The following ANKRD55 variants were observed in gnomAD, a reference collection of about 807,000 sequenced individuals.
The protein encoded by ANKRD55 is ankyrin repeat domain-containing protein 55.
In ANKRD55, 41 loss-of-function variants were observed where a neutral mutation model predicts 60.6. That is an observed-to-expected ratio of 0.68 (90% CI 0.53 to 0.88). The LOEUF (loss-of-function observed/expected upper bound fraction) is 0.88. Ranked by LOEUF, ANKRD55 falls within the 40% of genes least tolerant of loss-of-function variation. The pLI is 0.00. For synonymous variants in ANKRD55, 264 were observed against 290.3 expected, an observed-to-expected ratio of 0.91 and a Z score of 0.92; for missense variants, 732 against 767.6, an observed-to-expected ratio of 0.95 and a Z score of 0.55.
intron 8 of ANKRD55, among the ~76,000 whole-genome samples, chr5:56,122,110 A>G (rs938738033): frequency 3.7e-4 from 57 of 152,342 alleles, no homozygotes; most frequent in Admixed American, 3.3e-3. Flanking sequence ...ATAGAGTTGC[A>G]TCTCTGAAGA....
chr5:56,191,189 G>A (rs965178197), intron 2 of ANKRD55, among the ~76,000 whole-genome samples: 1 of 151,944 alleles, frequency 6.6e-6, no homozygotes, highest in Non-Finnish European at 1.5e-5. Flanking sequence ...GCTATTTTGG[G>A]GTCTCCTGAA....
chr5:56,100,208 G>C lies in ANKRD55; in HGVS notation c.1820C>G (p.Ala607Gly). ...TTAATTTTCATCACTGGTGGGGTTG[G>C]CAGAATGTTCACTCTCTTCTGCTGC... ...STAAEESEHS[A>G]NPTSDEN Residue 607 changes from alanine (A) to glycine (G), a missense_variant, in exon 12 of 12, where the codon GCC becomes GGC. By Grantham distance (60) the Ala-to-Gly change is moderately conservative. Coordinates refer to ENST00000341048, the MANE Select transcript of ANKRD55 (RefSeq NM_024669.3). 1 of 1,614,158 alleles carries C rather than the reference G, an allele frequency of 6.2e-7. No individual in the cohort carries two copies. Among genetic ancestry groups the C allele is most frequent in the Non-Finnish European group, 8.5e-7 (1 of 1,180,014 alleles).
chr5:56,116,576 G>A (rs1756893524), intron 9 of ANKRD55, 39 bp downstream of exon 9: 8 of 1,416,642 alleles, frequency 5.6e-6, no homozygotes, highest in Non-Finnish European at 7.4e-6. Context: ...ATAAATAGTT[G>A]AGAAGAATAG....
intron 8 of ANKRD55, chr5:56,125,542 A>G (rs943119770): frequency 2.6e-5 from 4 of 152,056 alleles, no homozygotes; most frequent in Non-Finnish European, 4.4e-5. Flanking sequence ...GGCCTCTCAA[A>G]GTGCTGGGAT....
chr5:56,232,049 G>A (rs1361746840), intron 2 of ANKRD55, among the ~76,000 whole-genome samples: 1 of 152,028 alleles, frequency 6.6e-6, no homozygotes, highest in Non-Finnish European at 1.5e-5. Context: ...TTTAAGAAAA[G>A]ATTCTAAAAA....
intron 2 of ANKRD55, among the ~76,000 whole-genome samples, chr5:56,221,203 CTTTGTTTGAAACACCATTCAAAA>C (rs912988553): frequency 6.6e-6 from 1 of 152,192 alleles, no homozygotes; most frequent in Non-Finnish European, 1.5e-5. Flanking sequence ...CAGAGGACTC[CTTTGTTTGAAACACCATTCAAAA>C]TTTGCTTATT....
intron 5 of ANKRD55, among the ~76,000 whole-genome samples, chr5:56,161,632 CAT>C (rs1189910679): frequency 2.0e-5 from 3 of 152,256 alleles, no homozygotes; most frequent in Admixed American, 2.0e-4. Flanking sequence ...CTTGTTGTAT[CAT>C]AGTCTTTTGG....
At chr5:56,135,290 GCTTGCTTTCTTTCTTTCTTT>G (rs1757545254) in intron 7 of ANKRD55, among the ~76,000 whole-genome samples, 2 of 69,302 alleles carry the variant, frequency 2.9e-5, no homozygotes, top group East Asian at 4.3e-4. Context: ...CTGCCTGCCT[GCTTGCTTTCTTTCTTTCTTT>G]CTTTCTTTCT....
chr5:56,112,407 C>T (rs1346533815), intron 9 of ANKRD55, among the ~76,000 whole-genome samples: 2 of 149,126 alleles, frequency 1.3e-5, no homozygotes, highest in East Asian at 4.0e-4. Flanking sequence ...TGGCTAATGC[C>T]TATAATTCCA....
rs1561263950 is a variant in ANKRD55, at chr5:56,135,289, TGC to T, written c.613-8185_613-8184del. 3.5e-3 allele frequency among the ~76,000 whole-genome samples: 234 copies of T among 66,702 alleles called. 13 individuals carry two copies. Among genetic ancestry groups the T allele is most frequent in the Middle Eastern group, 6.5e-3 (1 of 154 alleles). 43.8% of individuals were successfully genotyped at this position (66,702 alleles called of 152,430 possible). Reference sequence around the variant, plus strand: ...TTCCCTCCCTCCCTCCCTGCCTGCCTGCTTGCTTTCTTTCTTTCTTTCTTTCT... The same window carrying T: ...TTCCCTCCCTCCCTCCCTGCCTGCCTTTGCTTTCTTTCTTTCTTTCTTTCT... On this transcript the variant is annotated intron_variant, in intron 7 of 11. Coordinates refer to ENST00000341048, the MANE Select transcript of ANKRD55 (RefSeq NM_024669.3).
chr5:56,198,029 T>C (rs1397418926), intron 2 of ANKRD55, among the ~76,000 whole-genome samples: 53 of 152,250 alleles, frequency 3.5e-4, no homozygotes, highest in Admixed American at 3.5e-3. Context: ...CAGTTTCTGC[T>C]TTGTATTTAT....
chr5:56,135,306 T>G (rs866953540), intron 7 of ANKRD55, among the ~76,000 whole-genome samples: 1,253 of 11,268 alleles, frequency 0.11, 59 homozygotes, highest in African/African-American at 0.19. Context: ...TTTCTTTCTT[T>G]CTTTCTTTCT....
chr5:56,190,469 G>C (rs1241303446), intron 2 of ANKRD55, among the ~76,000 whole-genome samples: 2 of 151,914 alleles, frequency 1.3e-5, no homozygotes, highest in East Asian at 3.8e-4. Context: ...CTTATGTTTG[G>C]GTCTTTGATC....
intron 4 of ANKRD55, among the ~76,000 whole-genome samples, chr5:56,172,702 A>T (rs549386107): frequency 6.6e-6 from 1 of 151,540 alleles, no homozygotes; most frequent in East Asian, 1.9e-4. Context: ...TGATTCCCCA[A>T]GTGTTAATTG....
At chr5:56,231,671 A>G (rs917782737) in intron 2 of ANKRD55, among the ~76,000 whole-genome samples, 3 of 150,856 alleles carry the variant, frequency 2.0e-5, no homozygotes, top group African/African-American at 7.3e-5. Flanking sequence ...ACACACACAC[A>G]CACACACACA....
At chr5:56,115,074 C>T (rs1324364309) in intron 9 of ANKRD55, among the ~76,000 whole-genome samples, 1 of 151,764 alleles carries the variant, frequency 6.6e-6, no homozygotes, top group Non-Finnish European at 1.5e-5. Context: ...GTGGCACATG[C>T]CTAAAGTCCC....
intron 4 of ANKRD55, among the ~76,000 whole-genome samples, chr5:56,173,387 G>A (rs564499529): frequency 5.7e-4 from 85 of 150,408 alleles, no homozygotes; most frequent in African/African-American, 2.0e-3. Context: ...TGGTAGAGAC[G>A]GGGTTTCACC....
chr5:56,120,535 G>GA (rs1757011242), intron 8 of ANKRD55, among the ~76,000 whole-genome samples: 1 of 152,184 alleles, frequency 6.6e-6, no homozygotes, highest in Non-Finnish European at 1.5e-5. Flanking sequence ...AGAGCAAAGG[G>GA]AAAATACTTA....
chr5:56,144,614 T>C (rs1416029893), intron 6 of ANKRD55, among the ~76,000 whole-genome samples: 1 of 152,216 alleles, frequency 6.6e-6, no homozygotes, highest in African/African-American at 2.4e-5. Context: ...ATTTGGAATT[T>C]ATTCTAATTC....
Sources: gnomAD v4.1 joint callset for allele counts (sites outside exome capture counted in the v4.1 genomes callset) on GRCh38, gnomAD v4.1.1 for gene constraint, MANE v1.5 for transcripts, NCBI Gene and HGNC (gene_info 2026-07-23, HGNC 2026-07-21) for gene names.